GALNTL6: variants seen among roughly 807,000 people sequenced by gnomAD.
GALNTL6 encodes polypeptide N-acetylgalactosaminyltransferase-like 6.
In GALNTL6, 46 loss-of-function variants were observed where a neutral mutation model predicts 73.7. That is an observed-to-expected ratio of 0.62 (90% CI 0.49 to 0.80). GALNTL6 has a LOEUF of 0.80. Among genes scored for constraint, GALNTL6 ranks in the 30% least tolerant of loss-of-function variants. The pLI, the probability that GALNTL6 is intolerant of heterozygous loss-of-function variation, is 0.00. For missense variants in GALNTL6, 604 were observed against 755.0 expected (o/e 0.80, Z 2.34); for synonymous variants, 259 against 263.7 (o/e 0.98, Z 0.17).
chr4:172,908,381 G>T (rs1747017612), intron 8 of GALNTL6, among the ~76,000 whole-genome samples: 1 of 151,912 alleles, frequency 6.6e-6, no homozygotes, highest in African/African-American at 2.4e-5. Flanking sequence ...AAAACTCTAG[G>T]AATTTTTCCA....
intron 2 of GALNTL6, among the ~76,000 whole-genome samples, chr4:172,156,067 C>T (rs568649321): frequency 6.6e-6 from 1 of 152,026 alleles, no homozygotes; most frequent in Admixed American, 6.5e-5. Context: ...GCTGTTTTAA[C>T]GAGCGCCTGG....
rs150840156 is a variant in GALNTL6, at chr4:172,833,834, C to T, written c.923+20111C>T. On this transcript the variant is annotated intron_variant, in intron 7 of 12. Coordinates refer to ENST00000506823, the MANE Select transcript of GALNTL6 (RefSeq NM_001034845.3). ...ACTCAAGACAGAAGGGAGTAGTCAA[C>T]TTCCCCAACCCCTCATTTACAAGAA... 1.7e-3 allele frequency among the ~76,000 whole-genome samples: 258 copies of T among 152,314 alleles called. 1 individual carries two copies. Among genetic ancestry groups the T allele is most frequent in the Non-Finnish European group, 3.3e-3 (223 of 68,024 alleles).
intron 5 of GALNTL6, among the ~76,000 whole-genome samples, chr4:172,492,036 A>G (rs1027902206): frequency 6.6e-6 from 1 of 151,934 alleles, no homozygotes; most frequent in Admixed American, 6.6e-5. Flanking sequence ...ATGTTAGGCT[A>G]TAGGGTCATA....
intron 2 of GALNTL6, among the ~76,000 whole-genome samples, chr4:172,022,057 C>G (rs1741422851): frequency 6.6e-6 from 1 of 151,956 alleles, no homozygotes; most frequent in South Asian, 2.1e-4. Flanking sequence ...CCCACAAGCA[C>G]AGGCAACCAA....
At chr4:172,461,604 T>A (rs919339743) in intron 5 of GALNTL6, among the ~76,000 whole-genome samples, 6 of 152,200 alleles carry the variant, frequency 3.9e-5, no homozygotes, top group Admixed American at 3.9e-4. Context: ...ATCCCTTCCT[T>A]TGATTCTTTT....
intron 2 of GALNTL6, among the ~76,000 whole-genome samples, chr4:171,891,628 CT>C (rs754759125): frequency 7.2e-5 from 11 of 152,126 alleles, no homozygotes; most frequent in Non-Finnish European, 1.2e-4. Context: ...ACTAGATAAT[CT>C]GTGTTCATTT....
intron 5 of GALNTL6, among the ~76,000 whole-genome samples, chr4:172,596,096 C>T (rs1190103068): frequency 1.3e-5 from 2 of 151,958 alleles, no homozygotes; most frequent in Non-Finnish European, 2.9e-5. Flanking sequence ...TAATTTATTC[C>T]TTAACATTTT....
chr4:172,853,756 C>A (rs1743966313), intron 7 of GALNTL6, among the ~76,000 whole-genome samples: 1 of 152,132 alleles, frequency 6.6e-6, no homozygotes, highest in African/African-American at 2.4e-5. Flanking sequence ...AGAGAGAATA[C>A]CTGCCAGATT....
chr4:172,090,737 G>A (rs1008427152), intron 2 of GALNTL6, among the ~76,000 whole-genome samples: 8 of 152,080 alleles, frequency 5.3e-5, no homozygotes, highest in Non-Finnish European at 1.2e-4. Context: ...TGTTGCAGTT[G>A]CTTTTGGTGT....
At position 172,618,295 on chromosome 4, in the gene GALNTL6, A is replaced by AT. The variant is rs1738824265; in HGVS notation, c.554-191062dup. ...CACTAAGTGCCCAGAAAATTGTGTCATTTTCTGCCATAATATGATAGGTAA... is the reference window on the plus strand; with the variant it reads ...CACTAAGTGCCCAGAAAATTGTGTCATTTTTCTGCCATAATATGATAGGTAA... On this transcript the variant is annotated intron_variant, in intron 5 of 12. Transcript: ENST00000506823. Among the ~76,000 whole-genome samples, 4 of 152,108 alleles carry AT rather than the reference A, an allele frequency of 2.6e-5. No homozygotes were observed. In the South Asian group the frequency reaches 8.3e-4, roughly 32 times the overall value.
chr4:172,535,847 A>G (rs1189348094), intron 5 of GALNTL6, among the ~76,000 whole-genome samples: 1 of 152,158 alleles, frequency 6.6e-6, no homozygotes, highest in Non-Finnish European at 1.5e-5. Flanking sequence ...TACAAGTGTA[A>G]TAGATTTTGA....
chr4:172,376,382 G>T (rs1159498142), intron 5 of GALNTL6, among the ~76,000 whole-genome samples: 1 of 152,108 alleles, frequency 6.6e-6, no homozygotes, highest in African/African-American at 2.4e-5. Flanking sequence ...GCTCATGGCC[G>T]CATGGTCAAC....
chr4:172,256,485 T>G (rs1579305476), intron 3 of GALNTL6, among the ~76,000 whole-genome samples: 1 of 151,432 alleles, frequency 6.6e-6, no homozygotes, highest in African/African-American at 2.4e-5. Flanking sequence ...GTGTATAAAA[T>G]CCAAACTTCT....
rs577881644 is a variant in GALNTL6 at position 172,568,345 on chromosome 4, C to T, written c.553+219656C>T. Among the ~76,000 whole-genome samples the T allele has an allele frequency of 1.1e-3, 163 of 152,310 alleles. 1 individual carries two copies. Among genetic ancestry groups the T allele is most frequent in the African/African-American group, 3.7e-3 (153 of 41,558 alleles). On this transcript the variant is annotated intron_variant, in intron 5 of 12. Coordinates refer to ENST00000506823, the MANE Select transcript of GALNTL6 (RefSeq NM_001034845.3). ...AGGTTTTCTCCTCTTCTCTCCCAGG[C>T]TGTTATCCTAGCAGCACAAAGGCCT... is the stretch of plus-strand genomic sequence containing the variant.
chr4:172,018,445 G>C lies in GALNTL6; in HGVS notation c.138+203727G>C, dbSNP rs1191535038. On this transcript the variant is annotated intron_variant, in intron 2 of 12. Transcript: ENST00000506823. The stretch of plus-strand genomic sequence containing the variant: ...TTCTGGGGTAATGTTCCAGAGGGGA[G>C]TATGGCTGCCTCTGCTGTGCAGTAT... Among the ~76,000 whole-genome samples the C allele has an allele frequency of 7.2e-5, 11 of 152,166 alleles. No homozygotes were observed. In the East Asian group the frequency reaches 1.9e-3, roughly 27 times the overall value.
chr4:172,719,426 G>A (rs992150578), intron 5 of GALNTL6, among the ~76,000 whole-genome samples: 14 of 152,064 alleles, frequency 9.2e-5, no homozygotes, highest in Non-Finnish European at 1.9e-4. Context: ...ATAACTTTTT[G>A]ATGGAGATAA....
chr4:172,257,955 A>G (rs550364506), intron 3 of GALNTL6, among the ~76,000 whole-genome samples: 25 of 151,334 alleles, frequency 1.7e-4, no homozygotes, highest in African/African-American at 5.8e-4. Context: ...CTCAACAAAT[A>G]TTTACTGATC....
intron 3 of GALNTL6, among the ~76,000 whole-genome samples, chr4:172,271,927 A>G (rs1200870834): frequency 2.0e-5 from 3 of 151,618 alleles, no homozygotes; most frequent in Non-Finnish European, 4.4e-5. Flanking sequence ...TATATTAGAG[A>G]AGATAGGGCC....
chr4:172,185,195 TA>T (rs1735381300), intron 2 of GALNTL6, among the ~76,000 whole-genome samples: 1 of 152,162 alleles, frequency 6.6e-6, no homozygotes, highest in Admixed American at 6.5e-5. Context: ...GAGACTCAAA[TA>T]AAATATCAGG....
Sources: gnomAD v4.1 joint callset for allele counts (sites outside exome capture counted in the v4.1 genomes callset) on GRCh38, gnomAD v4.1.1 for gene constraint, MANE v1.5 for transcripts, NCBI Gene and HGNC (gene_info 2026-07-23, HGNC 2026-07-21) for gene names.